TMTC2: variants seen among roughly 807,000 people sequenced by gnomAD.
The protein encoded by TMTC2 is protein O-mannosyl-transferase TMTC2.
TMTC2 carries 43 observed loss-of-function variants against 82.4 expected under a neutral mutation model. That is an observed-to-expected ratio of 0.52 (90% CI 0.41 to 0.67). The LOEUF is 0.67. Among genes scored for constraint, TMTC2 ranks in the 30% least tolerant of loss-of-function variants. The pLI is 0.00. For synonymous variants in TMTC2, 408 were observed against 381.9 expected, an observed-to-expected ratio of 1.07 and a Z score of -0.80; for missense variants, 919 against 1,012.4, an observed-to-expected ratio of 0.91 and a Z score of 1.25.
At chr12:82,736,693 T>C (rs986648261) in intron 1 of TMTC2, among the ~76,000 whole-genome samples, 1 of 152,226 alleles carries the variant, frequency 6.6e-6, no homozygotes, top group East Asian at 1.9e-4. Flanking sequence ...ATGATTGCTA[T>C]ATTATTGCTA....
intron 1 of TMTC2, among the ~76,000 whole-genome samples, chr12:82,729,872 G>T (rs1874682571): frequency 6.6e-6 from 1 of 152,156 alleles, no homozygotes; most frequent in Non-Finnish European, 1.5e-5. Flanking sequence ...GCGAAGGTCT[G>T]CAGCTTCACT....
At chr12:83,129,135 A>G (rs1013022280) in intron 11 of TMTC2, among the ~76,000 whole-genome samples, 1 of 152,220 alleles carries the variant, frequency 6.6e-6, no homozygotes, top group African/African-American at 2.4e-5. Context: ...TTACTAAAAT[A>G]GCCATTTATA....
chr12:82,935,397 C>A (rs899737932), intron 4 of TMTC2, among the ~76,000 whole-genome samples: 1 of 152,020 alleles, frequency 6.6e-6, no homozygotes, highest in Non-Finnish European at 1.5e-5. Flanking sequence ...ATATTTCATA[C>A]AAGAAATTAT....
At chr12:82,888,939 CACTT>C (rs1311160877) in intron 2 of TMTC2, among the ~76,000 whole-genome samples, 10 of 151,942 alleles carry the variant, frequency 6.6e-5, no homozygotes, top group South Asian at 2.1e-4. Flanking sequence ...AATTTTGAGA[CACTT>C]AATTATAAAA....
At chr12:82,726,878 CAAAAA>C (rs757515287) in intron 1 of TMTC2, among the ~76,000 whole-genome samples, 1 of 42,350 alleles carries the variant, frequency 2.4e-5, no homozygotes, top group Admixed American at 2.4e-4. Context: ...GACTCTGTCT[CAAAAA>C]AAAAAAAAAA....
chr12:82,963,822 TA>T lies in TMTC2; in HGVS notation c.1599-1201del, dbSNP rs1878055915. Among the ~76,000 whole-genome samples the T allele has an allele frequency of 2.1e-5, 2 of 93,908 alleles. 1 individual carries two copies. Among genetic ancestry groups the T allele is most frequent in the Non-Finnish European group, 4.0e-5 (2 of 50,386 alleles). The allele number at this position is 93,908 out of a possible 152,430, so 61.6% of individuals were successfully genotyped here. A position where few individuals can be genotyped will look rare whatever the true frequency, so the allele number is the denominator to read the frequency against. On this transcript the variant is annotated intron_variant, in intron 4 of 11. Coordinates refer to ENST00000321196, the MANE Select transcript of TMTC2 (RefSeq NM_152588.3). ...ATATATATATATATATATATATATA[TA>T]TATATATATATATATATATATATAT...
intron 1 of TMTC2, among the ~76,000 whole-genome samples, chr12:82,720,345 C>T (rs1016585578): frequency 6.6e-6 from 1 of 152,136 alleles, no homozygotes; most frequent in Non-Finnish European, 1.5e-5. Context: ...GCCTCTTTTA[C>T]TTAGCAAAAT....
chr12:82,873,210 ATGTTG>A (rs1228210918), intron 2 of TMTC2, among the ~76,000 whole-genome samples: 3 of 116,194 alleles, frequency 2.6e-5, no homozygotes, highest in Non-Finnish European at 4.9e-5. Context: ...TGTTTCAAAG[ATGTTG>A]TGTGTGTGTG....
intron 8 of TMTC2, among the ~76,000 whole-genome samples, chr12:83,015,760 A>G (rs1466409817): frequency 6.6e-6 from 1 of 152,188 alleles, no homozygotes; most frequent in Admixed American, 6.5e-5. Flanking sequence ...TAATGCCAAA[A>G]CACATGTGTG....
At chr12:82,697,090 A>G (rs12305736) in intron 1 of TMTC2, among the ~76,000 whole-genome samples, 23,319 of 151,090 alleles carry the variant, frequency 0.15, 2,041 homozygotes, top group East Asian at 0.36. Flanking sequence ...TCATGCCTGT[A>G]ATCCCAGTAC....
At chr12:83,040,709 G>A (rs1343112284) in intron 9 of TMTC2, among the ~76,000 whole-genome samples, 2 of 135,900 alleles carry the variant, frequency 1.5e-5, no homozygotes, top group South Asian at 2.3e-4. Flanking sequence ...CTTTTGAGAC[G>A]GAGTCTCGCT....
intron 2 of TMTC2, among the ~76,000 whole-genome samples, chr12:82,876,844 T>G (rs1872607682): frequency 6.6e-6 from 1 of 152,220 alleles, no homozygotes; most frequent in Admixed American, 6.5e-5. Context: ...TCATTTTACC[T>G]CTTTGTTTCC....
intron 1 of TMTC2, among the ~76,000 whole-genome samples, chr12:82,799,899 C>T (rs1380235673): frequency 6.6e-6 from 1 of 152,072 alleles, no homozygotes; most frequent in Non-Finnish European, 1.5e-5. Flanking sequence ...ATCACATGTG[C>T]CAGCAGGTGT....
intron 1 of TMTC2, among the ~76,000 whole-genome samples, chr12:82,693,134 G>A (rs996488753): frequency 2.6e-5 from 4 of 152,206 alleles, no homozygotes; most frequent in African/African-American, 9.7e-5. Flanking sequence ...TAAAGGGTTT[G>A]AATCTGAGAG....
At chr12:82,827,408 A>T (rs774137520) in intron 1 of TMTC2, among the ~76,000 whole-genome samples, 4 of 152,190 alleles carry the variant, frequency 2.6e-5, no homozygotes. Flanking sequence ...TAGGGGCCCA[A>T]GCTAAGACAG....
intron 1 of TMTC2, among the ~76,000 whole-genome samples, chr12:82,784,696 T>C (rs1293507501): frequency 6.6e-6 from 1 of 152,110 alleles, no homozygotes; most frequent in Non-Finnish European, 1.5e-5. Context: ...GGTTAGGAAA[T>C]GTGGGGTTGG....
chr12:83,037,990 G>A (rs972480369), intron 9 of TMTC2, among the ~76,000 whole-genome samples: 3 of 151,764 alleles, frequency 2.0e-5, no homozygotes, highest in African/African-American at 4.8e-5. Flanking sequence ...TGATACAACC[G>A]GTTTTAAAAG....
intron 7 of TMTC2, among the ~76,000 whole-genome samples, chr12:82,970,438 T>G (rs906721367): frequency 6.6e-6 from 1 of 151,818 alleles, no homozygotes; most frequent in Non-Finnish European, 1.5e-5. Context: ...TTCACGCCAT[T>G]CTCCTGCCTC....
At chr12:83,019,886 G>T (rs1356043261) in intron 8 of TMTC2, among the ~76,000 whole-genome samples, 1 of 151,988 alleles carries the variant, frequency 6.6e-6, no homozygotes, top group East Asian at 1.9e-4. Flanking sequence ...GATAAGCCAG[G>T]TATGCCCTGC....
Sources: allele counts gnomAD v4.1 joint callset (sites outside exome capture counted in the v4.1 genomes callset), GRCh38; gene constraint gnomAD v4.1.1; transcripts MANE v1.5; gene names NCBI Gene and HGNC (gene_info 2026-07-23, HGNC 2026-07-21).